Variants in ASIC2 observed in about 807,000 individuals in gnomAD.
ASIC2 encodes the protein acid sensing ion channel subunit 2.
In ASIC2, 25 loss-of-function variants were observed where a neutral mutation model predicts 57.3. The observed-to-expected ratio is 0.44, with a 90% CI of 0.32 to 0.61. The LOEUF (loss-of-function observed/expected upper bound fraction) is 0.61, where lower values mean the gene tolerates loss of function less well. Ranked by LOEUF, ASIC2 falls within the 20% of genes least tolerant of loss-of-function variation. The pLI is 0.06. For missense variants in ASIC2, 641 were observed against 738.1 expected, an observed-to-expected ratio of 0.87 and a Z score of 1.52; for synonymous variants, 319 against 307.5, an observed-to-expected ratio of 1.04 and a Z score of -0.39.
At chr17:33,577,548 C>T (rs1916664949) in intron 1 of ASIC2, among the ~76,000 whole-genome samples, 1 of 152,162 alleles carries the variant, frequency 6.6e-6, no homozygotes, top group African/African-American at 2.4e-5. Flanking sequence ...ATTTCCTGGA[C>T]TTCTCCCCAG....
chr17:33,139,499 G>GC (rs887001135), intron 1 of ASIC2, among the ~76,000 whole-genome samples: 1 of 152,180 alleles, frequency 6.6e-6, no homozygotes, highest in Admixed American at 6.5e-5. Flanking sequence ...TTTGGGCACA[G>GC]CCCCCCACAA....
intron 1 of ASIC2, among the ~76,000 whole-genome samples, chr17:33,286,971 G>A (rs1905220862): frequency 6.6e-6 from 1 of 152,168 alleles, no homozygotes; most frequent in Non-Finnish European, 1.5e-5. Context: ...CAGGTAAGTG[G>A]TCATAATATG....
chr17:33,473,927 G>A (rs984368768), intron 1 of ASIC2, among the ~76,000 whole-genome samples: 5 of 151,630 alleles, frequency 3.3e-5, no homozygotes, highest in Admixed American at 2.0e-4. Flanking sequence ...AAATTCATTC[G>A]TCAATTATGT....
chr17:33,988,572 C>T (rs182883886), intron 1 of ASIC2, among the ~76,000 whole-genome samples: 66 of 152,256 alleles, frequency 4.3e-4, no homozygotes, highest in African/African-American at 1.5e-3. Context: ...ACTAATACAT[C>T]GACCCTTAGC....
chr17:34,007,979 C>T (rs1906585099), intron 1 of ASIC2, among the ~76,000 whole-genome samples: 1 of 152,166 alleles, frequency 6.6e-6, no homozygotes. Context: ...TTTTCAATCA[C>T]TCAGTTTCTT....
At chr17:34,107,508 C>T (rs1341020986) in intron 1 of ASIC2, among the ~76,000 whole-genome samples, 2 of 152,080 alleles carry the variant, frequency 1.3e-5, no homozygotes, top group African/African-American at 2.4e-5. Context: ...GATCCTGTCT[C>T]AAACAGAACA....
chr17:33,445,732 G>A (rs2141986825), intron 1 of ASIC2, among the ~76,000 whole-genome samples: 1 of 147,226 alleles, frequency 6.8e-6, no homozygotes, highest in East Asian at 2.1e-4. Flanking sequence ...AGGAGGCGCA[G>A]GTTGTGGTGA....
chr17:33,625,225 G>T (rs377699416), intron 1 of ASIC2, among the ~76,000 whole-genome samples: 1 of 149,278 alleles, frequency 6.7e-6, no homozygotes, highest in Non-Finnish European at 1.5e-5. Context: ...CTATCTATCT[G>T]TCTATCTATC....
chr17:33,344,849 A>G (rs1350976143), intron 1 of ASIC2, among the ~76,000 whole-genome samples: 1 of 151,892 alleles, frequency 6.6e-6, no homozygotes, highest in African/African-American at 2.4e-5. Flanking sequence ...TGGCCTATAT[A>G]GGGGCCAACA....
chr17:33,311,465 T>C (rs1203680927), intron 1 of ASIC2, among the ~76,000 whole-genome samples: 1 of 151,570 alleles, frequency 6.6e-6, no homozygotes, highest in Non-Finnish European at 1.5e-5. Flanking sequence ...TGTAGATGTG[T>C]GTAGGTGGTG....
chr17:33,311,408 G>A (rs942070980), intron 1 of ASIC2, among the ~76,000 whole-genome samples: 3 of 145,476 alleles, frequency 2.1e-5, no homozygotes, highest in Non-Finnish European at 4.5e-5. Context: ...GTTTGTATGT[G>A]TGTGTGTCTG....
At chr17:33,802,287 C>A (rs935130914) in intron 1 of ASIC2, among the ~76,000 whole-genome samples, 6 of 152,156 alleles carry the variant, frequency 3.9e-5, no homozygotes, top group African/African-American at 1.4e-4. Context: ...CATAGGCTGT[C>A]CCATATAGCC....
chr17:33,831,714 C>T (rs568606418), intron 1 of ASIC2, among the ~76,000 whole-genome samples: 6 of 152,322 alleles, frequency 3.9e-5, no homozygotes, highest in African/African-American at 1.4e-4. Context: ...TCAGCCTCCT[C>T]CCTACTGACA....
At chr17:33,377,150 A>G (rs1290540579) in intron 1 of ASIC2, among the ~76,000 whole-genome samples, 2 of 152,088 alleles carry the variant, frequency 1.3e-5, no homozygotes, top group Non-Finnish European at 2.9e-5. Context: ...TCCTGGGTTC[A>G]AGTGATTCTC....
intron 1 of ASIC2, among the ~76,000 whole-genome samples, chr17:34,131,958 G>A (rs1354438836): frequency 6.6e-6 from 1 of 152,116 alleles, no homozygotes; most frequent in African/African-American, 2.4e-5. Context: ...GCAGTGGGAC[G>A]GGGACATTTT....
chr17:33,551,216 T>G (rs1915742556), intron 1 of ASIC2, among the ~76,000 whole-genome samples: 3 of 152,206 alleles, frequency 2.0e-5, no homozygotes, highest in Admixed American at 1.3e-4. Context: ...TGATCTAGCA[T>G]TATGAAAATG....
intron 3 of ASIC2, among the ~76,000 whole-genome samples, chr17:33,071,579 C>G (rs549159441): frequency 6.6e-6 from 1 of 152,154 alleles, no homozygotes; most frequent in East Asian, 1.9e-4. Context: ...TCATATTTTC[C>G]TGCTTCTTTG....
At chr17:33,286,767 C>T (rs549002018) in intron 1 of ASIC2, among the ~76,000 whole-genome samples, 62 of 152,278 alleles carry the variant, frequency 4.1e-4, no homozygotes, top group African/African-American at 1.3e-3. Context: ...CACCTCTGTA[C>T]GCTCCTGGTA....
At chr17:34,152,905 T>G (rs1412013290) in intron 1 of ASIC2, among the ~76,000 whole-genome samples, 1 of 151,110 alleles carries the variant, frequency 6.6e-6, no homozygotes, top group Non-Finnish European at 1.5e-5. Flanking sequence ...GAATCAAAGC[T>G]GTCTTCTGCT....
Sources: gnomAD v4.1 joint callset for allele counts (sites outside exome capture counted in the v4.1 genomes callset) on GRCh38, gnomAD v4.1.1 for gene constraint, MANE v1.5 for transcripts, NCBI Gene and HGNC (gene_info 2026-07-23, HGNC 2026-07-21) for gene names.